The following CDK5RAP2 variants were observed in gnomAD, a reference collection of about 807,000 sequenced individuals.
CDK5RAP2 encodes CDK5 regulatory subunit associated protein 2.
A neutral mutation model predicts 232.9 loss-of-function variants in CDK5RAP2; 147 were observed. The observed-to-expected ratio is 0.63, with a 90% CI of 0.55 to 0.72. The LOEUF is 0.72. Among genes scored for constraint, CDK5RAP2 ranks in the 30% least tolerant of loss-of-function variants. The probability of loss-of-function intolerance (pLI) is 0.00; values close to 1 mark genes in which losing one functional copy is unlikely to be tolerated. For synonymous variants in CDK5RAP2, 833 were observed against 833.7 expected, an observed-to-expected ratio of 1.00 and a Z score of 0.01; for missense variants, 2,195 against 2,231.5, an observed-to-expected ratio of 0.98 and a Z score of 0.33.
chr9:120,484,447 T>C (rs112495815), intron 14 of CDK5RAP2, among the ~76,000 whole-genome samples: 4,409 of 152,228 alleles, frequency 0.029, 216 homozygotes, highest in African/African-American at 0.1. Flanking sequence ...CTCAGCCAGG[T>C]GCAGTGGCTC....
chr9:120,536,262 A>T, intron 7 of CDK5RAP2, 110 bp downstream of exon 7: 1 of 1,221,442 alleles, frequency 8.2e-7, no homozygotes. Context: ...CTCAAGTCCT[A>T]TGGGAAACAT....
intron 22 of CDK5RAP2, among the ~76,000 whole-genome samples, chr9:120,444,732 T>C (rs1360814839): frequency 6.6e-6 from 1 of 152,222 alleles, no homozygotes; most frequent in Non-Finnish European, 1.5e-5. Context: ...CTAGGCTTTG[T>C]GAAACAGTAA....
intron 25 of CDK5RAP2, among the ~76,000 whole-genome samples, chr9:120,432,203 C>A (rs1218636009): frequency 6.6e-6 from 1 of 152,166 alleles, no homozygotes; most frequent in African/African-American, 2.4e-5. Flanking sequence ...TACATTTATA[C>A]AAAAGAATGC....
Position 120,568,353 on chromosome 9 carries a change from T to C in CDK5RAP2, c.163A>G (p.Thr55Ala), listed in dbSNP as rs2042722126. The C allele has an allele frequency of 6.2e-7, 1 of 1,613,808 alleles. No homozygotes were observed. The highest frequency in any genetic ancestry group is 8.5e-7 in the Non-Finnish European group (1 of 1,179,776). The change falls in exon 3 of 38, where the codon ACC (threonine) becomes GCC (alanine). Residue 55 changes from threonine (T) to alanine (A), a missense_variant. Physicochemically the swap from Thr to Ala is moderately conservative, Grantham distance 58. Transcript: ENST00000349780. ...AAGTCCTTCATGTTCCGTGCTCTGG[T>C]GGGAGACACTGTTTCTTCTGACACA... ...PNVSEETVSP[T>A]RARNMKDFEN...
At position 120,518,227 on chromosome 9, in the gene CDK5RAP2, G is replaced by A. The variant is rs868618609; in HGVS notation, c.1311+200C>T. ...TGTGTGTGTGAGAGAGAGAGAGAGAGAGAGAGAGAGAGAGAGCGAGGAGAA... is the reference window on the plus strand; with the variant it reads ...TGTGTGTGTGAGAGAGAGAGAGAGAAAGAGAGAGAGAGAGAGCGAGGAGAA... On this transcript the variant is annotated intron_variant, in intron 12 of 37. Coordinates refer to ENST00000349780, the MANE Select transcript of CDK5RAP2 (RefSeq NM_018249.6). Among the ~76,000 whole-genome samples, 3,422 of 149,610 alleles carry A rather than the reference G, an allele frequency of 0.023. 132 individuals are homozygous for A. The highest frequency in any genetic ancestry group is 0.082 in the African/African-American group (3,240 of 39,420).
intron 18 of CDK5RAP2, chr9:120,460,874 A>G: frequency 1.4e-6 from 1 of 737,964 alleles, no homozygotes; most frequent in Non-Finnish European, 2.1e-6. Flanking sequence ...AGCTGCCTGG[A>G]TCAAGCATAA....
At chr9:120,480,637 C>T (rs534584892) in intron 14 of CDK5RAP2, among the ~76,000 whole-genome samples, 40 of 152,176 alleles carry the variant, frequency 2.6e-4, no homozygotes, top group Non-Finnish European at 4.1e-4. Flanking sequence ...GTATCCTACA[C>T]ATATATTGTA....
chr9:120,413,569 C>T (rs1344531457), intron 28 of CDK5RAP2, among the ~76,000 whole-genome samples: 2 of 152,200 alleles, frequency 1.3e-5, no homozygotes, highest in African/African-American at 4.8e-5. Flanking sequence ...GTGAATTACT[C>T]TCCAGAGCAA....
At chr9:120,486,578 C>A (rs1189382588) in intron 14 of CDK5RAP2, among the ~76,000 whole-genome samples, 1 of 152,094 alleles carries the variant, frequency 6.6e-6, no homozygotes, top group Non-Finnish European at 1.5e-5. Context: ...CCCAGAAGTG[C>A]CTGCCCATGG....
At chr9:120,430,834 T>G (rs1430798059) in intron 25 of CDK5RAP2, among the ~76,000 whole-genome samples, 1 of 152,190 alleles carries the variant, frequency 6.6e-6, no homozygotes, top group East Asian at 1.9e-4. Flanking sequence ...GCGGCACTAT[T>G]CACAATAGCA....
chr9:120,477,467 G>A lies in CDK5RAP2; in HGVS notation c.1627-17C>T. 1 of 1,546,362 alleles carries A rather than the reference G, an allele frequency of 6.5e-7. No individual in the cohort carries two copies. Among genetic ancestry groups the A allele is most frequent in the South Asian group, 1.1e-5 (1 of 89,734 alleles). ...TTTCTTTTCCTGGAAATGACAATGG[G>A]CATTTGACATTAAGGAAAGAATTTT... On this transcript the variant is annotated splice_polypyrimidine_tract_variant and intron_variant, in intron 14 of 37. Coordinates refer to ENST00000349780, the MANE Select transcript of CDK5RAP2 (RefSeq NM_018249.6).
At chr9:120,525,308 G>A (rs2040851154) in intron 10 of CDK5RAP2, among the ~76,000 whole-genome samples, 1 of 152,104 alleles carries the variant, frequency 6.6e-6, no homozygotes, top group South Asian at 2.1e-4. Flanking sequence ...GGATACCACC[G>A]CTCACCCAGC....
At chr9:120,529,879 G>A (rs776302661) in intron 8 of CDK5RAP2, 99 bp downstream of exon 8, 3 of 1,140,858 alleles carry the variant, frequency 2.6e-6, no homozygotes, top group Non-Finnish European at 4.0e-6. Context: ...TTTAGAAGCA[G>A]GCTGTGTGTG....
chr9:120,389,976 A>G, intron 36 of CDK5RAP2, 189 bp from the exon 37 acceptor site: 1 of 631,640 alleles, frequency 1.6e-6, no homozygotes, highest in Non-Finnish European at 2.9e-6. Context: ...CCCAGGGCCA[A>G]ATAACGCATC....
chr9:120,447,982 T>C lies in CDK5RAP2; in HGVS notation c.2938A>G (p.Thr980Ala), dbSNP rs760593351. 5.6e-6 allele frequency: 9 copies of C among 1,614,002 alleles called. No homozygotes were observed. In the Admixed American group the frequency reaches 1.5e-4, roughly 27 times the overall value. Residue 980 changes from threonine to alanine, a missense_variant, in exon 22 of 38, where the codon ACT (threonine) becomes GCT (alanine). By Grantham distance (58) the Thr-to-Ala change is moderately conservative. Coordinates refer to ENST00000349780, the MANE Select transcript of CDK5RAP2 (RefSeq NM_018249.6). ...ELQGELKEFK[T>A]CNKQLHQKLI... is the part of the protein sequence containing the mutation. ...TTTTGGTGAAGTTGCTTATTACAAG[T>C]TTTAAACTCCTTCAGCTCCCCCTGC...
chr9:120,407,069 T>A lies in CDK5RAP2; in HGVS notation c.4906A>T (p.Thr1636Ser). 1 of 1,613,748 alleles carries A rather than the reference T, an allele frequency of 6.2e-7. No homozygotes were observed. Among genetic ancestry groups the A allele is most frequent in the East Asian group, 2.2e-5 (1 of 44,862 alleles). Reference protein sequence around the residue: ...GAEKAQEGALTLAVQAVSIPE... With the variant: ...GAEKAQEGALSLAVQAVSIPE... ...ATGGACACGGCTTGGACAGCCAGAG[T>A]GAGGGCTCCTTCCTGTGCCTTCTCT... The change falls in exon 32 of 38, where the codon ACT (threonine) becomes TCT (serine). Residue 1636 changes from threonine (T) to serine (S), a missense_variant. Thr to Ser is a moderately conservative substitution (Grantham distance 58). Coordinates refer to ENST00000349780, the MANE Select transcript of CDK5RAP2 (RefSeq NM_018249.6).
chr9:120,538,398 T>G (rs1171850460), intron 6 of CDK5RAP2, among the ~76,000 whole-genome samples: 1 of 152,118 alleles, frequency 6.6e-6, no homozygotes, highest in Non-Finnish European at 1.5e-5. Flanking sequence ...TTAAAATAGA[T>G]AAGGAGACAG....
At chr9:120,502,538 C>T (rs1358676071) in intron 12 of CDK5RAP2, among the ~76,000 whole-genome samples, 2 of 152,242 alleles carry the variant, frequency 1.3e-5, no homozygotes, top group Non-Finnish European at 2.9e-5. Flanking sequence ...GAACGTCTTA[C>T]ACGGCTTAAG....
At chr9:120,540,495 T>G (rs559165233) in intron 5 of CDK5RAP2, among the ~76,000 whole-genome samples, 1 of 152,354 alleles carries the variant, frequency 6.6e-6, no homozygotes, top group East Asian at 1.9e-4. Flanking sequence ...ATCTCAAACA[T>G]GAGTCGCCTG....
Sources: allele counts gnomAD v4.1 joint callset (sites outside exome capture counted in the v4.1 genomes callset), GRCh38; gene constraint gnomAD v4.1.1; transcripts MANE v1.5; gene names NCBI Gene and HGNC (gene_info 2026-07-23, HGNC 2026-07-21).